Variants in OPA1 observed in about 807,000 individuals in gnomAD.
OPA1 encodes the protein OPA1 mitochondrial dynamin like GTPase, also known as dynamin-like GTPase OPA1, mitochondrial.
In OPA1, 59 loss-of-function variants were observed where a neutral mutation model predicts 152.9. The ratio of observed to expected loss-of-function variants is 0.39; its 90% CI spans 0.31 to 0.48. The LOEUF (loss-of-function observed/expected upper bound fraction) is 0.48, where lower values mean the gene tolerates loss of function less well. Among genes scored for constraint, OPA1 ranks in the 20% least tolerant of loss-of-function variants. OPA1 has a pLI of 0.96. For synonymous variants in OPA1, 400 were observed against 389.9 expected, an observed-to-expected ratio of 1.03 and a Z score of -0.31; for missense variants, 1,008 against 1,216.8, an observed-to-expected ratio of 0.83 and a Z score of 2.55.
At chr3:193,674,791 C>A (rs1718624570) in intron 29 of OPA1, among the ~76,000 whole-genome samples, 1 of 152,140 alleles carries the variant, frequency 6.6e-6, no homozygotes, top group South Asian at 2.1e-4. Flanking sequence ...AGAATATCGT[C>A]TGTGAAGTAG....
chr3:193,609,366 T>C (rs964303870), intron 1 of OPA1, among the ~76,000 whole-genome samples: 3 of 152,214 alleles, frequency 2.0e-5, no homozygotes, highest in Non-Finnish European at 2.9e-5. Context: ...AATATTGGCC[T>C]CCACTCTCTT....
intron 1 of OPA1, among the ~76,000 whole-genome samples, chr3:193,595,773 T>C (rs1364284323): frequency 6.6e-6 from 1 of 152,180 alleles, no homozygotes; most frequent in African/African-American, 2.4e-5. Flanking sequence ...GACGTTTTTC[T>C]CTCTTATTTT....
chr3:193,660,779 G>A (rs1015130985), intron 25 of OPA1, among the ~76,000 whole-genome samples: 3 of 152,014 alleles, frequency 2.0e-5, no homozygotes, highest in African/African-American at 7.3e-5. Context: ...CAGACAGTTA[G>A]TGATTGGGTC....
intron 11 of OPA1, among the ~76,000 whole-genome samples, chr3:193,641,806 T>C (rs373945523): frequency 2.0e-5 from 3 of 152,248 alleles, no homozygotes; most frequent in Admixed American, 1.3e-4. Flanking sequence ...CCACTGACTG[T>C]TAATATACAT....
intron 6 of OPA1, among the ~76,000 whole-genome samples, chr3:193,619,154 A>G (rs1729578766): frequency 6.6e-6 from 1 of 152,218 alleles, no homozygotes; most frequent in African/African-American, 2.4e-5. Context: ...TGTCCAGTGA[A>G]GCATTAGTTT....
rs144690080 is a variant in OPA1, at chr3:193,657,220, G to A, written c.2319G>A (p.Ala773=). 2.3e-5 allele frequency: 37 copies of A among 1,613,770 alleles called. No individual in the cohort carries two copies. Among genetic ancestry groups the A allele is most frequent in the Middle Eastern group, 1.6e-4 (1 of 6,080 alleles). The change falls in exon 23 of 31, where the codon GCG becomes GCA. Residue 773 remains alanine, a synonymous_variant. Transcript: ENST00000361510. ...SIKRHKWNDF[A]EDSLRVIQHN... is the part of the protein sequence containing the mutation. ...AACGACACAAGTGGAATGACTTTGC[G>A]GAGGACAGCTTGGTATGTTGTTTGT... is the stretch of plus-strand genomic sequence containing the variant.
At chr3:193,642,258 G>C (rs1733893505) in intron 11 of OPA1, among the ~76,000 whole-genome samples, 1 of 152,288 alleles carries the variant, frequency 6.6e-6, no homozygotes, top group South Asian at 2.1e-4. Context: ...TTATGTCTGT[G>C]TATATTTCTC....
intron 29 of OPA1, among the ~76,000 whole-genome samples, chr3:193,682,385 A>G (rs892933594): frequency 2.6e-5 from 4 of 152,224 alleles, no homozygotes; most frequent in Non-Finnish European, 5.9e-5. Context: ...AGCTGCAGCA[A>G]GTTATCAAGA....
At chr3:193,593,629 AC>A in intron 1 of OPA1, among the ~76,000 whole-genome samples, 1 of 151,620 alleles carries the variant, frequency 6.6e-6, no homozygotes. Flanking sequence ...GCCCTACCCA[AC>A]CCGAAAATTC....
chr3:193,636,027 T>C (rs1732875816), intron 9 of OPA1, among the ~76,000 whole-genome samples: 1 of 152,182 alleles, frequency 6.6e-6, no homozygotes, highest in African/African-American at 2.4e-5. Flanking sequence ...GGTGAACTTA[T>C]TTACCAATAA....
chr3:193,645,458 T>C (rs1217746263), intron 16 of OPA1, 95 bp from the exon 17 acceptor site: 3 of 828,980 alleles, frequency 3.6e-6, no homozygotes, highest in Middle Eastern at 3.4e-4. Context: ...ACTATATACA[T>C]GTATAGCATT....
rs550741168 is a variant in OPA1, at chr3:193,687,316, A to G, written c.2984-4747A>G. 2.0e-5 allele frequency among the ~76,000 whole-genome samples: 3 copies of G among 152,342 alleles called. No individual in the cohort carries two copies. The East Asian group carries it at 5.8e-4, about 29-fold the overall frequency. The stretch of plus-strand genomic sequence containing the variant: ...GAAGCACAGTGAATTGATGTTTGAA[A>G]TAGCTCATCTTTTAAGTAAACATTG... On this transcript the variant is annotated intron_variant, in intron 29 of 30. Transcript: ENST00000361510.
rs893967667 is a variant in OPA1 at position 193,625,948 on chromosome 3, G to C, written c.679-144G>C. 1.7e-5 allele frequency: 12 copies of C among 708,480 alleles called. No individual in the cohort carries two copies. The East Asian group carries it at 3.2e-4, about 19-fold the overall frequency. The allele number at this position is 708,480 out of a possible 1,614,324, so 43.9% of individuals were successfully genotyped here. On this transcript the variant is annotated intron_variant, in intron 6 of 30. Transcript: ENST00000361510. Reference sequence around the variant, plus strand: ...ATGGAAATGCGGTACAGAGCCCAAGGGTATGACGGCTTTAAATGAGTTTCC... The same window carrying C: ...ATGGAAATGCGGTACAGAGCCCAAGCGTATGACGGCTTTAAATGAGTTTCC...
chr3:193,631,286 A>G (rs897341994), intron 7 of OPA1, among the ~76,000 whole-genome samples: 1 of 152,198 alleles, frequency 6.6e-6, no homozygotes, highest in Admixed American at 6.5e-5. Context: ...CTTTAGTACA[A>G]AACAACTTCT....
At chr3:193,668,554 G>A (rs1717194197) in intron 29 of OPA1, 1 of 1,547,420 alleles carries the variant, frequency 6.5e-7, no homozygotes, top group African/African-American at 1.4e-5. Context: ...TTCCTCACCT[G>A]AAGCCAGACC....
At position 193,648,844 on chromosome 3, in the gene OPA1, G is replaced by A. The variant is rs2109083949; in HGVS notation, c.1985G>A (p.Ser662Asn). The change falls in exon 21 of 31, where the codon AGT (serine) becomes AAT (asparagine). Residue 662 changes from serine (S) to asparagine (N), a missense_variant. Ser to Asn is a conservative substitution (Grantham distance 46, BLOSUM62 1). Around this residue, in one of 7 missense-constraint regions of OPA1, gnomAD observed 229 missense variants for 269.0 expected, o/e 0.85. Transcript: ENST00000361510. ...AATGAAATCCTTGATGAAGTTATCA[G>A]TCTGAGCCAGGTTACACCAAAACAT... ...AKNEILDEVI[S>N]LSQVTPKHWE... The A allele has an allele frequency of 1.2e-6, 2 of 1,609,552 alleles. No individual in the cohort carries two copies. The highest frequency in any genetic ancestry group is 1.1e-5 in the South Asian group (1 of 90,972).
chr3:193,622,271 C>T (rs1398114689), intron 6 of OPA1, among the ~76,000 whole-genome samples: 2 of 133,516 alleles, frequency 1.5e-5, no homozygotes, highest in Non-Finnish European at 3.0e-5. Flanking sequence ...ACTCTGTCAC[C>T]CGGCTGGAGT....
intron 29 of OPA1, among the ~76,000 whole-genome samples, chr3:193,672,101 G>A (rs1718060283): frequency 6.6e-6 from 1 of 152,194 alleles, no homozygotes; most frequent in Non-Finnish European, 1.5e-5. Context: ...GAGTCCCAGT[G>A]TAAGTTTTAG....
intron 1 of OPA1, among the ~76,000 whole-genome samples, chr3:193,604,314 TAA>T: frequency 6.6e-6 from 1 of 152,314 alleles, no homozygotes; most frequent in South Asian, 2.1e-4. Flanking sequence ...TTCATTTGGC[TAA>T]AAGCCTGCTC....
Sources: allele counts gnomAD v4.1 joint callset (sites outside exome capture counted in the v4.1 genomes callset), GRCh38; gene constraint gnomAD v4.1.1; regional missense constraint gnomAD v4.1.1; transcripts MANE v1.5; gene names NCBI Gene and HGNC (gene_info 2026-07-23, HGNC 2026-07-21).